ABCC12: variants seen among roughly 807,000 people sequenced by gnomAD.
ABCC12 encodes the protein ATP binding cassette subfamily C member 12, also known as ATP-binding cassette sub-family C member 12.
ABCC12 carries 142 observed loss-of-function variants against 151.1 expected under a neutral mutation model. The ratio of observed to expected loss-of-function variants is 0.94; its 90% CI spans 0.82 to 1.08. The LOEUF (loss-of-function observed/expected upper bound fraction) is 1.08. ABCC12 is among the 50% of genes least tolerant of loss of function. The pLI is 0.00. For missense variants in ABCC12, 1,638 were observed against 1,691.1 expected, an observed-to-expected ratio of 0.97 and a Z score of 0.55; for synonymous variants, 645 against 646.4, an observed-to-expected ratio of 1.00 and a Z score of 0.03.
At chr16:48,088,418 G>T in intron 26 of ABCC12, 127 bp downstream of exon 26, 2 of 1,108,278 alleles carry the variant, frequency 1.8e-6, no homozygotes, top group Non-Finnish European at 2.5e-6. Context: ...ACAGTAAAGA[G>T]ATTTGAGGGA....
intron 11 of ABCC12, among the ~76,000 whole-genome samples, chr16:48,126,977 C>T (rs181763559): frequency 1.0e-3 from 152 of 152,106 alleles, no homozygotes; most frequent in African/African-American, 3.5e-3. Context: ...GAAGGCAGGG[C>T]GGGGGGAAGT....
At chr16:48,127,842 TC>T (rs1190321197) in intron 11 of ABCC12, among the ~76,000 whole-genome samples, 1 of 152,120 alleles carries the variant, frequency 6.6e-6, no homozygotes, top group Admixed American at 6.5e-5. Context: ...GACAGGAGAA[TC>T]ACTTGAGGCC....
At chr16:48,136,736 G>C (rs888415081) in intron 8 of ABCC12, among the ~76,000 whole-genome samples, 1 of 152,166 alleles carries the variant, frequency 6.6e-6, no homozygotes, top group Non-Finnish European at 1.5e-5. Context: ...TCAAGACAAA[G>C]TTACTGTAAA....
rs1368069882 is a variant in ABCC12 at position 48,081,696 on chromosome 16, T to C, written c.*2019A>G. Among the ~76,000 whole-genome samples the C allele has an allele frequency of 6.6e-6, 1 of 152,178 alleles. No individual in the cohort carries two copies. The highest frequency in any genetic ancestry group is 1.9e-4 in the East Asian group (1 of 5,204). Reference sequence around the variant, plus strand: ...GTCTCAGTAGACATCAGGATCAATGTCGGTGTTCTTCTTCTGCCAGAGTAA... The same window carrying C: ...GTCTCAGTAGACATCAGGATCAATGCCGGTGTTCTTCTTCTGCCAGAGTAA... On this transcript the variant is annotated 3_prime_UTR_variant, in exon 31 of 31. Transcript: ENST00000311303.
chr16:48,099,968 T>TC (rs1192022730), intron 23 of ABCC12, among the ~76,000 whole-genome samples: 2 of 151,762 alleles, frequency 1.3e-5, no homozygotes, highest in African/African-American at 4.8e-5. Context: ...TTTTCTTTTT[T>TC]TTTTTTTTTG....
chr16:48,126,157 A>G (rs1964230441), intron 11 of ABCC12, among the ~76,000 whole-genome samples: 1 of 152,220 alleles, frequency 6.6e-6, no homozygotes, highest in Non-Finnish European at 1.5e-5. Flanking sequence ...AATGAAGCTG[A>G]ATCTATTTAA....
intron 10 of ABCC12, among the ~76,000 whole-genome samples, chr16:48,130,579 C>T (rs535397336): frequency 3.9e-5 from 6 of 152,332 alleles, no homozygotes; most frequent in South Asian, 4.1e-4. Context: ...GAGATTATCT[C>T]GTCATTCCTA....
intron 15 of ABCC12, 104 bp from the exon 16 acceptor site, chr16:48,112,014 C>G: frequency 7.0e-7 from 1 of 1,420,308 alleles, no homozygotes; most frequent in Non-Finnish European, 9.5e-7. Context: ...GGGGCCAGAT[C>G]ATTCTTTGTT....
At chr16:48,131,991 A>G (rs1007539933) in intron 9 of ABCC12, among the ~76,000 whole-genome samples, 9 of 152,112 alleles carry the variant, frequency 5.9e-5, no homozygotes, top group African/African-American at 1.9e-4. Context: ...TCCTGACATG[A>G]CCCTAGCAGA....
intron 8 of ABCC12, among the ~76,000 whole-genome samples, chr16:48,137,783 G>A (rs1235693291): frequency 6.6e-6 from 1 of 152,162 alleles, no homozygotes; most frequent in African/African-American, 2.4e-5. Flanking sequence ...GCATCTCCTC[G>A]TGTCTGCCCA....
intron 2 of ABCC12, among the ~76,000 whole-genome samples, chr16:48,149,627 T>C (rs1965091014): frequency 6.6e-6 from 1 of 152,232 alleles, no homozygotes; most frequent in Admixed American, 6.5e-5. Context: ...AAAATCTTGA[T>C]AAATTCTAGT....
Position 48,091,122 on chromosome 16 carries a change from A to G in ABCC12, c.3283T>C (p.Ser1095Pro). The G allele has an allele frequency of 6.2e-7, 1 of 1,614,096 alleles. No homozygotes were observed. The highest frequency in any genetic ancestry group is 1.1e-5 in the South Asian group (1 of 91,084). Residue 1095 changes from serine to proline, a missense_variant and splice_region_variant, in exon 25 of 31, where the codon TCG (serine) becomes CCG (proline). By Grantham distance (74) the Ser-to-Pro change is moderately conservative. Transcript: ENST00000311303. ...TSVELLREYI[S>P]TCVPECTHPL... is the part of the protein sequence containing the mutation. ...TCTCTGATGCACTAATTTCTTACCG[A>G]AATGTATTCCCTGAGCAGCTCCACG...
intron 12 of ABCC12, among the ~76,000 whole-genome samples, chr16:48,123,729 A>C (rs1964147321): frequency 6.6e-6 from 1 of 152,242 alleles, no homozygotes; most frequent in African/African-American, 2.4e-5. Context: ...GGAGCAGGGA[A>C]GGGACAATGA....
At chr16:48,155,294 C>T (rs985100087) in intron 1 of ABCC12, among the ~76,000 whole-genome samples, 6 of 151,818 alleles carry the variant, frequency 4.0e-5, no homozygotes, top group African/African-American at 1.2e-4. Context: ...AGACACATTC[C>T]GACACGATCA....
At chr16:48,138,786 G>A (rs2150669361) in intron 7 of ABCC12, among the ~76,000 whole-genome samples, 1 of 151,544 alleles carries the variant, frequency 6.6e-6, no homozygotes, top group East Asian at 1.9e-4. Context: ...GGACAACATA[G>A]CGAGACCCTA....
intron 8 of ABCC12, among the ~76,000 whole-genome samples, chr16:48,134,963 A>C (rs1964556700): frequency 6.6e-6 from 1 of 151,822 alleles, no homozygotes; most frequent in Admixed American, 6.6e-5. Flanking sequence ...GAGGCAGGAG[A>C]ATGGCATGAA....
intron 24 of ABCC12, 63 bp from the exon 25 acceptor site, chr16:48,091,272 C>A: frequency 2.1e-6 from 3 of 1,454,828 alleles, no homozygotes; most frequent in Non-Finnish European, 2.9e-6. Context: ...CTGCAGCTCC[C>A]CGTTCAGGAG....
chr16:48,098,653 T>C (rs1567446002), intron 23 of ABCC12, among the ~76,000 whole-genome samples: 1 of 152,260 alleles, frequency 6.6e-6, no homozygotes, highest in East Asian at 1.9e-4. Flanking sequence ...TGTGGTTGGT[T>C]AGATTGCATA....
intron 10 of ABCC12, 68 bp from the exon 11 acceptor site, chr16:48,128,805 T>C: frequency 6.5e-7 from 1 of 1,536,096 alleles, no homozygotes; most frequent in South Asian, 1.2e-5. Context: ...CCAATGTATC[T>C]TCTAATGACC....
Sources: allele counts gnomAD v4.1 joint callset (sites outside exome capture counted in the v4.1 genomes callset), GRCh38; gene constraint gnomAD v4.1.1; transcripts MANE v1.5; gene names NCBI Gene and HGNC (gene_info 2026-07-23, HGNC 2026-07-21).